GSE1: variants seen among roughly 807,000 people sequenced by gnomAD.
GSE1 encodes the protein Gse1 coiled-coil protein, also known as genetic suppressor element 1.
In GSE1, 32 loss-of-function variants were observed where a neutral mutation model predicts 112.6. That is an observed-to-expected ratio of 0.28 (90% CI 0.21 to 0.38). The LOEUF is 0.38. Ranked by LOEUF, GSE1 falls within the 10% of genes least tolerant of loss-of-function variation. GSE1 has a pLI of 1.00. For synonymous variants in GSE1, 1,115 were observed against 735.6 expected, an observed-to-expected ratio of 1.52 and a Z score of -8.35; for missense variants, 2,348 against 1,699.2, an observed-to-expected ratio of 1.38 and a Z score of -6.71.
intron 1 of GSE1, among the ~76,000 whole-genome samples, chr16:85,256,683 G>C (rs528692261): frequency 2.4e-4 from 36 of 152,348 alleles, no homozygotes; most frequent in African/African-American, 8.4e-4. Flanking sequence ...CCCCATGTCT[G>C]TCCCCGTCAC....
intron 4 of GSE1, 135 bp downstream of exon 4, chr16:85,654,585 G>C: frequency 1.2e-6 from 1 of 822,082 alleles, no homozygotes; most frequent in Non-Finnish European, 2.0e-6. Context: ...CTGAGCCCTG[G>C]GGATTGCAGC....
chr16:85,554,259 C>G (rs191067086), upstream of GSE1, among the ~76,000 whole-genome samples: 1 of 152,086 alleles, frequency 6.6e-6, no homozygotes, highest in Non-Finnish European at 1.5e-5. Context: ...GGTTTTTTCC[C>G]CTTCGATTTG....
intron 2 of GSE1, among the ~76,000 whole-genome samples, chr16:85,493,999 G>A (rs1352848957): frequency 2.6e-5 from 4 of 152,180 alleles, no homozygotes; most frequent in South Asian, 4.1e-4. Context: ...TGGGAGGATC[G>A]CTTGGGCCCA....
intron 2 of GSE1, among the ~76,000 whole-genome samples, chr16:85,383,059 G>GCA (rs200672247): frequency 3.6e-4 from 52 of 145,976 alleles, no homozygotes; most frequent in Admixed American, 1.6e-3. Flanking sequence ...ATGCATGTGC[G>GCA]CACACACACA....
At chr16:85,456,171 T>C (rs564426877) in intron 2 of GSE1, among the ~76,000 whole-genome samples, 2 of 152,190 alleles carry the variant, frequency 1.3e-5, no homozygotes, top group South Asian at 2.1e-4. Context: ...GGTAGGACAG[T>C]ATTTTGGAGG....
chr16:85,292,779 T>G (rs2045260077), intron 1 of GSE1, among the ~76,000 whole-genome samples: 1 of 152,154 alleles, frequency 6.6e-6, no homozygotes, highest in South Asian at 2.1e-4. Context: ...CACTGGTAAG[T>G]GTACAGTTCG....
chr16:85,514,540 T>C (rs770811276), intron 2 of GSE1, among the ~76,000 whole-genome samples: 4 of 151,218 alleles, frequency 2.6e-5, no homozygotes, highest in Non-Finnish European at 5.9e-5. Flanking sequence ...CCTGGGAGAA[T>C]GACACCGCTG....
intron 1 of GSE1, among the ~76,000 whole-genome samples, chr16:85,279,495 C>T (rs1356604642): frequency 8.4e-6 from 1 of 119,728 alleles, no homozygotes; most frequent in Admixed American, 9.9e-5. Flanking sequence ...TGTTCCCAGC[C>T]ACTCAAGGGG....
upstream of GSE1, chr16:85,555,669 C>A: frequency 3.7e-6 from 3 of 810,198 alleles, no homozygotes; most frequent in Non-Finnish European, 4.4e-6. Context: ...GATACCCCCT[C>A]CCGCCGCCCC....
chr16:85,617,689 C>T (rs1179583593), intron 1 of GSE1, among the ~76,000 whole-genome samples: 1 of 149,640 alleles, frequency 6.7e-6, no homozygotes, highest in Non-Finnish European at 1.5e-5. Flanking sequence ...ACCTAGGGGC[C>T]AGGGTGGGAG....
intron 2 of GSE1, among the ~76,000 whole-genome samples, chr16:85,442,397 C>G (rs1277737787): frequency 3.9e-5 from 6 of 152,118 alleles, no homozygotes; most frequent in Admixed American, 3.9e-4. Context: ...TGGCCCAGCG[C>G]TGGGTGTCCA....
At chr16:85,204,975 A>C (rs977636429) in intron 1 of GSE1, among the ~76,000 whole-genome samples, 5 of 152,216 alleles carry the variant, frequency 3.3e-5, no homozygotes, top group South Asian at 2.1e-4. Context: ...AATCCCTTAA[A>C]CCCCCTAGAA....
At chr16:85,571,535 C>T (rs989310866) in intron 1 of GSE1, among the ~76,000 whole-genome samples, 2 of 152,186 alleles carry the variant, frequency 1.3e-5, no homozygotes, top group African/African-American at 2.4e-5. Context: ...GCCTGCAATC[C>T]TCGGAGCGAT....
At chr16:85,317,373 G>A (rs747996786) in intron 1 of GSE1, among the ~76,000 whole-genome samples, 1 of 152,122 alleles carries the variant, frequency 6.6e-6, no homozygotes, top group Non-Finnish European at 1.5e-5. Flanking sequence ...TGCACACCAC[G>A]CTTCCTACCT....
At chr16:85,507,908 G>A (rs115801981) in intron 2 of GSE1, among the ~76,000 whole-genome samples, 1,821 of 152,242 alleles carry the variant, frequency 0.012, 37 homozygotes, top group African/African-American at 0.041. Context: ...CACACGCCTC[G>A]TGTGTTTCTA....
chr16:85,251,520 TCGAACCCTGCTC>T (rs1443918351), intron 1 of GSE1, among the ~76,000 whole-genome samples: 26 of 152,168 alleles, frequency 1.7e-4, no homozygotes, highest in Admixed American at 1.7e-3. Flanking sequence ...AGGCCGGGGC[TCGAACCCTGCTC>T]CGCCTGACCC....
At chr16:85,221,768 C>T (rs1693019174) in intron 1 of GSE1, among the ~76,000 whole-genome samples, 1 of 152,200 alleles carries the variant, frequency 6.6e-6, no homozygotes. Context: ...GGGCTCGGCC[C>T]CCAGACACCC....
chr16:85,632,759 C>A (rs2049646202), intron 1 of GSE1, among the ~76,000 whole-genome samples: 2 of 152,168 alleles, frequency 1.3e-5, no homozygotes, highest in South Asian at 4.1e-4. Context: ...CCAGCCCCAC[C>A]ATGTGTGGCC....
chr16:85,389,469 A>G (rs898329542), intron 2 of GSE1, among the ~76,000 whole-genome samples: 19 of 151,640 alleles, frequency 1.3e-4, no homozygotes, highest in African/African-American at 4.4e-4. Context: ...CCAAAAAAAA[A>G]AAAAAAAAAA....
Sources: allele counts gnomAD v4.1 joint callset (sites outside exome capture counted in the v4.1 genomes callset), GRCh38; gene constraint gnomAD v4.1.1; transcripts MANE v1.5; gene names NCBI Gene and HGNC (gene_info 2026-07-23, HGNC 2026-07-21).